Variants in PRKCI observed in about 807,000 individuals in gnomAD.
PRKCI encodes the protein protein kinase C iota, also known as protein kinase C iota type.
PRKCI carries 43 observed loss-of-function variants against 84.0 expected under a neutral mutation model. The ratio of observed to expected loss-of-function variants is 0.51; its 90% CI spans 0.40 to 0.66. The LOEUF (loss-of-function observed/expected upper bound fraction) is 0.66. PRKCI is among the 30% of genes least tolerant of loss of function. The pLI is 0.00. For missense variants in PRKCI, 459 were observed against 745.6 expected, an observed-to-expected ratio of 0.62 and a Z score of 4.48; for synonymous variants, 216 against 234.4, an observed-to-expected ratio of 0.92 and a Z score of 0.72.
chr3:170,281,841 A>T (rs753994385), intron 10 of PRKCI, 41 bp from the exon 11 acceptor site: 6 of 1,554,156 alleles, frequency 3.9e-6, no homozygotes, highest in Non-Finnish European at 5.2e-6. Flanking sequence ...ACACTACCTT[A>T]TTTTGGATCT....
At chr3:170,236,125 A>G (rs1421583408) in intron 2 of PRKCI, among the ~76,000 whole-genome samples, 1 of 145,134 alleles carries the variant, frequency 6.9e-6, no homozygotes, top group Non-Finnish European at 1.5e-5. Context: ...TTTTTGAGAC[A>G]GAGTCTGGCT....
At chr3:170,275,733 A>C (rs1402519382) in intron 8 of PRKCI, among the ~76,000 whole-genome samples, 1 of 152,158 alleles carries the variant, frequency 6.6e-6, no homozygotes, top group African/African-American at 2.4e-5. Flanking sequence ...AATAATAATC[A>C]GTTTTTTGAA....
intron 2 of PRKCI, among the ~76,000 whole-genome samples, chr3:170,245,957 T>TTTTTGTTTGTTTG (rs1733271441): frequency 7.1e-6 from 1 of 141,398 alleles, no homozygotes; most frequent in East Asian, 2.3e-4. Flanking sequence ...TTGTTTTTTT[T>TTTTTGTTTGTTTG]TTTTTTTTTT....
At chr3:170,273,712 G>A (rs1031259987) in intron 7 of PRKCI, among the ~76,000 whole-genome samples, 3 of 151,886 alleles carry the variant, frequency 2.0e-5, no homozygotes, top group African/African-American at 4.8e-5. Context: ...CTTCTCAGGA[G>A]GCTGAGGCGG....
At chr3:170,292,208 A>G (rs1038766734) in intron 13 of PRKCI, among the ~76,000 whole-genome samples, 1 of 152,224 alleles carries the variant, frequency 6.6e-6, no homozygotes, top group African/African-American at 2.4e-5. Flanking sequence ...CAGTTTACAT[A>G]TATTAACTAA....
At chr3:170,297,505 A>C in intron 16 of PRKCI, 112 bp downstream of exon 16, 2 of 834,168 alleles carry the variant, frequency 2.4e-6, no homozygotes, top group East Asian at 2.7e-5. Flanking sequence ...CCGAGGCTGG[A>C]GTACAATGGC....
chr3:170,274,637 A>G (rs1401152934), intron 7 of PRKCI, among the ~76,000 whole-genome samples: 2 of 152,220 alleles, frequency 1.3e-5, no homozygotes, highest in Non-Finnish European at 2.9e-5. Context: ...AAATCAAGAA[A>G]GGGAAAACAA....
chr3:170,266,238 G>GATGAAAGCAT (rs1733854139), intron 4 of PRKCI, among the ~76,000 whole-genome samples: 2 of 152,102 alleles, frequency 1.3e-5, no homozygotes, highest in African/African-American at 4.8e-5. Flanking sequence ...AAGACCACTG[G>GATGAAAGCAT]ATGAAAAGTT....
chr3:170,222,473 A>G lies in PRKCI; in HGVS notation c.-197A>G, dbSNP rs1577333542. On this transcript the variant is annotated 5_prime_UTR_variant, in exon 1 of 18. Coordinates refer to ENST00000295797, the MANE Select transcript of PRKCI (RefSeq NM_002740.6). ...GGCGGCTGTAGAGGCGGCGGCGCCTACGGGCAGTGGGAGGAGCCGCGCGGT... is the reference window on the plus strand; with the variant it reads ...GGCGGCTGTAGAGGCGGCGGCGCCTGCGGGCAGTGGGAGGAGCCGCGCGGT... The G allele has an allele frequency of 4.3e-6, 2 of 464,816 alleles. No individual in the cohort carries two copies. The highest frequency in any genetic ancestry group is 7.4e-6 in the Non-Finnish European group (2 of 269,594). The allele number at this position is 464,816 out of a possible 1,614,324, so 28.8% of individuals were successfully genotyped here. A position where few individuals can be genotyped will look rare whatever the true frequency, so the allele number is the denominator to read the frequency against.
At chr3:170,246,119 A>G (rs927416433) in intron 2 of PRKCI, among the ~76,000 whole-genome samples, 1 of 149,944 alleles carries the variant, frequency 6.7e-6, no homozygotes, top group Non-Finnish European at 1.5e-5. Context: ...CGCCCAGCTA[A>G]TTTTTTTTCT....
At position 170,304,791 on chromosome 3, in the gene PRKCI, G is replaced by A. The variant is rs1356141827; in HGVS notation, c.*1664G>A. 1.3e-5 allele frequency: 2 copies of A among 152,052 alleles called. No individual in the cohort carries two copies. Among genetic ancestry groups the A allele is most frequent in the Non-Finnish European group, 2.9e-5 (2 of 67,996 alleles). The allele number at this position is 152,052 out of a possible 1,614,324, so 9.4% of individuals were successfully genotyped here. On this transcript the variant is annotated 3_prime_UTR_variant, in exon 18 of 18. Transcript: ENST00000295797. ...GAAAAGGGACTTAAAAAGTAAACAT[G>A]ATTATCTAAATTACTTAAAATTTTT...
chr3:170,304,875 T>G lies in PRKCI; in HGVS notation c.*1748T>G, dbSNP rs1734916842. 6.6e-6 allele frequency: 1 copy of G among 152,166 alleles called. No individual in the cohort carries two copies. The allele number at this position is 152,166 out of a possible 1,614,324, so 9.4% of individuals were successfully genotyped here. A position where few individuals can be genotyped will look rare whatever the true frequency, so the allele number is the denominator to read the frequency against. On this transcript the variant is annotated 3_prime_UTR_variant, in exon 18 of 18. Transcript: ENST00000295797. ...GTTTAAATTTCAAATGTTTTAAAATTTGTAGGCATTTAATAAATTATCTTT... is the reference window on the plus strand; with the variant it reads ...GTTTAAATTTCAAATGTTTTAAAATGTGTAGGCATTTAATAAATTATCTTT...
chr3:170,282,621 C>T (rs557109290), intron 11 of PRKCI, among the ~76,000 whole-genome samples: 15 of 150,066 alleles, frequency 1.0e-4, no homozygotes, highest in Non-Finnish European at 1.9e-4. Flanking sequence ...TGTCTGAACC[C>T]GGAAGGCGGA....
intron 1 of PRKCI, among the ~76,000 whole-genome samples, chr3:170,228,602 AATAT>A (rs549146564): frequency 7.7e-6 from 1 of 130,530 alleles, no homozygotes; most frequent in Non-Finnish European, 1.6e-5. Context: ...CACACACACA[AATAT>A]ATATATATAT....
At chr3:170,258,564 A>G (rs911044705) in intron 2 of PRKCI, among the ~76,000 whole-genome samples, 6 of 151,988 alleles carry the variant, frequency 3.9e-5, no homozygotes, top group Admixed American at 3.3e-4. Flanking sequence ...GGCCTCGCAA[A>G]CTGTTGGGAT....
At chr3:170,263,517 A>G in intron 4 of PRKCI, 88 bp downstream of exon 4, 1 of 1,177,342 alleles carries the variant, frequency 8.5e-7, no homozygotes, top group South Asian at 1.3e-5. Context: ...ATTTTTAGCT[A>G]GGTGCAGTGG....
At chr3:170,240,326 A>T (rs1023024148) in intron 2 of PRKCI, among the ~76,000 whole-genome samples, 3 of 152,062 alleles carry the variant, frequency 2.0e-5, no homozygotes, top group Admixed American at 1.3e-4. Context: ...TAATTAACAG[A>T]TGCACATAGT....
intron 2 of PRKCI, among the ~76,000 whole-genome samples, chr3:170,250,067 G>A (rs1733399035): frequency 6.6e-6 from 1 of 151,954 alleles, no homozygotes; most frequent in African/African-American, 2.4e-5. Context: ...CCTGAGGTCA[G>A]CAGTTTGAGA....
At chr3:170,257,487 A>G (rs1483169536) in intron 2 of PRKCI, among the ~76,000 whole-genome samples, 2 of 152,164 alleles carry the variant, frequency 1.3e-5, no homozygotes, top group Non-Finnish European at 2.9e-5. Flanking sequence ...TTCATTATAA[A>G]AGATTACAAA....
Sources: allele counts gnomAD v4.1 joint callset (sites outside exome capture counted in the v4.1 genomes callset), GRCh38; gene constraint gnomAD v4.1.1; transcripts MANE v1.5; gene names NCBI Gene and HGNC (gene_info 2026-07-23, HGNC 2026-07-21).